The following CUL2 variants were observed in gnomAD, a reference collection of about 807,000 sequenced individuals.
CUL2 encodes cullin-2.
Under a neutral mutation model 110.2 loss-of-function variants are expected in CUL2, and 22 were observed. That is an observed-to-expected ratio of 0.20 (90% CI 0.14 to 0.28). The LOEUF (loss-of-function observed/expected upper bound fraction) is 0.28. Among genes scored for constraint, CUL2 ranks in the 10% least tolerant of loss-of-function variants. The pLI is 1.00. For synonymous variants in CUL2, 279 were observed against 293.2 expected (o/e 0.95, Z 0.49); for missense variants, 631 against 905.5 (o/e 0.70, Z 3.89).
chr10:35,120,756 C>T (rs190432443), intron 1 of CUL2, among the ~76,000 whole-genome samples: 7 of 152,018 alleles, frequency 4.6e-5, no homozygotes, highest in African/African-American at 1.4e-4. Flanking sequence ...ATTAGCCTGG[C>T]ATGGTGATGC....
chr10:35,091,767 C>G (rs1219368958), upstream of CUL2, among the ~76,000 whole-genome samples: 1 of 152,024 alleles, frequency 6.6e-6, no homozygotes, highest in Non-Finnish European at 1.5e-5. Flanking sequence ...ATTACAGAAG[C>G]CCGCCACCAC....
At chr10:35,090,018 A>C (rs2087167031) in intron 1 of CUL2, 161 bp downstream of exon 1, 1 of 152,276 alleles carries the variant, frequency 6.6e-6, no homozygotes, top group Non-Finnish European at 1.5e-5. Context: ...AGCCGAGGTC[A>C]CTTACAGGAT....
At position 35,074,293 on chromosome 10, in the gene CUL2, C is replaced by T. The variant is rs1156319270; in HGVS notation, c.-22-2954G>A. Reference sequence around the variant, plus strand: ...GTTTGGGCTCAACTGCAACATGGCACCCAAGCTTCCTCTCCTCCTGGTACT... The same window carrying T: ...GTTTGGGCTCAACTGCAACATGGCATCCAAGCTTCCTCTCCTCCTGGTACT... On this transcript the variant is annotated intron_variant, in intron 1 of 20. Coordinates refer to ENST00000374749, the MANE Select transcript of CUL2 (RefSeq NM_003591.4). The T allele has an allele frequency of 3.2e-5, 34 of 1,073,874 alleles. No individual in the cohort carries two copies. In the South Asian group the frequency reaches 4.3e-4, roughly 14 times the overall value. The allele number at this position is 1,073,874 out of a possible 1,614,324, so 66.5% of individuals were successfully genotyped here.
chr10:35,015,914 A>G (rs1257811660), intron 18 of CUL2, among the ~76,000 whole-genome samples: 1 of 152,236 alleles, frequency 6.6e-6, no homozygotes, highest in Non-Finnish European at 1.5e-5. Context: ...TCAATTAATC[A>G]AAATCTTCCA....
intron 1 of CUL2, among the ~76,000 whole-genome samples, chr10:35,075,230 A>C (rs2086786258): frequency 6.6e-6 from 1 of 152,186 alleles, no homozygotes; most frequent in African/African-American, 2.4e-5. Context: ...AACCAATAGC[A>C]GGAAGGTATG....
intron 8 of CUL2, among the ~76,000 whole-genome samples, chr10:35,040,072 G>C (rs2085742418): frequency 6.6e-6 from 1 of 152,042 alleles, no homozygotes; most frequent in African/African-American, 2.4e-5. Flanking sequence ...AGAACTGCTT[G>C]AACCCAGGAG....
intron 17 of CUL2, among the ~76,000 whole-genome samples, chr10:35,020,352 A>G (rs2085152454): frequency 6.6e-6 from 1 of 152,218 alleles, no homozygotes; most frequent in South Asian, 2.1e-4. Flanking sequence ...TGGGACAGTC[A>G]GGGAAATTTG....
intron 1 of CUL2, among the ~76,000 whole-genome samples, chr10:35,123,700 A>C (rs1425868457): frequency 6.6e-6 from 1 of 152,222 alleles, no homozygotes; most frequent in African/African-American, 2.4e-5. Context: ...CAACAATAAA[A>C]AATCAAGATT....
At chr10:35,117,675 T>G (rs2087625792) in intron 1 of CUL2, among the ~76,000 whole-genome samples, 1 of 152,214 alleles carries the variant, frequency 6.6e-6, no homozygotes, top group Non-Finnish European at 1.5e-5. Flanking sequence ...TGTTTTAAAG[T>G]CCTTCTGCTA....
chr10:35,098,301 A>C (rs1243706490), intron 2 of CUL2, among the ~76,000 whole-genome samples: 2 of 152,202 alleles, frequency 1.3e-5, no homozygotes, highest in Admixed American at 6.5e-5. Context: ...TCACTATTTG[A>C]GATAGATGAT....
rs2084847938 is a variant in CUL2, at chr10:35,009,525, T to C, written c.*786A>G. 1 of 152,168 alleles carries C rather than the reference T, an allele frequency of 6.6e-6. No homozygotes were observed. Among genetic ancestry groups the C allele is most frequent in the Admixed American group, 6.5e-5 (1 of 15,270 alleles). The allele number at this position is 152,168 out of a possible 1,614,324, so 9.4% of individuals were successfully genotyped here. ...GACAACTTTTGAATGAAAAGCTCTC[T>C]CTGTGCCAGACTTGAGGTCACCAAG... On this transcript the variant is annotated 3_prime_UTR_variant, in exon 21 of 21. Coordinates refer to ENST00000374749, the MANE Select transcript of CUL2 (RefSeq NM_003591.4).
chr10:35,045,265 AG>A (rs1284462887), intron 6 of CUL2, among the ~76,000 whole-genome samples: 2 of 152,236 alleles, frequency 1.3e-5, no homozygotes, highest in African/African-American at 4.8e-5. Flanking sequence ...TAAGACATGT[AG>A]GTGAAATGTT....
intron 2 of CUL2, among the ~76,000 whole-genome samples, chr10:35,063,275 T>C (rs1407423097): frequency 3.3e-5 from 5 of 152,202 alleles, no homozygotes; most frequent in South Asian, 4.1e-4. Context: ...CAAGTATTTA[T>C]TGAGAATTAT....
At position 35,009,731 on chromosome 10, in the gene CUL2, T is replaced by C. The variant is rs1441118471; in HGVS notation, c.*580A>G. 6.6e-6 allele frequency: 1 copy of C among 152,652 alleles called. No homozygotes were observed. The highest frequency in any genetic ancestry group is 1.5e-5 in the Non-Finnish European group (1 of 68,042). The allele number at this position is 152,652 out of a possible 1,614,324, so 9.5% of individuals were successfully genotyped here. A position where few individuals can be genotyped will look rare whatever the true frequency, so the allele number is the denominator to read the frequency against. ...AACAATAATCTAGACATTTTTCATGTAGGATTTAAATAGGAGTACAAGTGA... is the reference window on the plus strand; with the variant it reads ...AACAATAATCTAGACATTTTTCATGCAGGATTTAAATAGGAGTACAAGTGA... On this transcript the variant is annotated 3_prime_UTR_variant, in exon 21 of 21. Coordinates refer to ENST00000374749, the MANE Select transcript of CUL2 (RefSeq NM_003591.4).
intron 1 of CUL2, among the ~76,000 whole-genome samples, chr10:35,107,641 G>C (rs749206504): frequency 5.9e-5 from 9 of 151,838 alleles, no homozygotes; most frequent in Non-Finnish European, 1.3e-4. Flanking sequence ...CCAGCACTTA[G>C]GGAGGCCGAG....
intron 16 of CUL2, among the ~76,000 whole-genome samples, chr10:35,025,859 T>C (rs976184344): frequency 1.3e-5 from 2 of 152,200 alleles, no homozygotes; most frequent in African/African-American, 4.8e-5. Context: ...AAAACTCAAT[T>C]TCTTTATAAA....
chr10:35,012,228 G>A (rs1173098081), intron 19 of CUL2, among the ~76,000 whole-genome samples: 1 of 151,852 alleles, frequency 6.6e-6, no homozygotes, highest in Non-Finnish European at 1.5e-5. Flanking sequence ...AAATTATATA[G>A]TTATGTTGTG....
At chr10:35,060,559 T>C (rs1306139607) in intron 4 of CUL2, among the ~76,000 whole-genome samples, 2 of 152,252 alleles carry the variant, frequency 1.3e-5, no homozygotes, top group South Asian at 2.1e-4. Context: ...CTAAGTTTCA[T>C]GCAAGTTGAA....
At chr10:35,017,212 C>T (rs557736838) in intron 17 of CUL2, among the ~76,000 whole-genome samples, 1 of 152,150 alleles carries the variant, frequency 6.6e-6, no homozygotes, top group South Asian at 2.1e-4. Context: ...GCTATTATGT[C>T]TCATAAACAA....
Sources: allele counts gnomAD v4.1 joint callset (sites outside exome capture counted in the v4.1 genomes callset), GRCh38; gene constraint gnomAD v4.1.1; transcripts MANE v1.5; gene names NCBI Gene and HGNC (gene_info 2026-07-23, HGNC 2026-07-21).